PDHX: variants seen among roughly 807,000 people sequenced by gnomAD.
PDHX encodes the protein pyruvate dehydrogenase protein X component, mitochondrial.
Under a neutral mutation model 55.3 loss-of-function variants are expected in PDHX, and 33 were observed. The observed-to-expected ratio is 0.60, with a 90% CI of 0.45 to 0.80. PDHX has a LOEUF of 0.80. Ranked by LOEUF, PDHX falls within the 30% of genes least tolerant of loss-of-function variation. The pLI is 0.00. For missense variants in PDHX, 622 were observed against 619.9 expected, an observed-to-expected ratio of 1.00 and a Z score of -0.04; for synonymous variants, 226 against 219.4, an observed-to-expected ratio of 1.03 and a Z score of -0.27.
At chr11:34,917,204 G>T in intron 1 of PDHX, among the ~76,000 whole-genome samples, 1 of 152,166 alleles carries the variant, frequency 6.6e-6, no homozygotes, top group South Asian at 2.1e-4. Flanking sequence ...AGATTGAAAA[G>T]CCACTGTTGG....
chr11:34,948,995 T>G (rs1003981953), intron 3 of PDHX, among the ~76,000 whole-genome samples: 5 of 152,218 alleles, frequency 3.3e-5, no homozygotes, highest in Non-Finnish European at 5.9e-5. Flanking sequence ...ACCATGTCAG[T>G]GGGTCAGCAG....
intron 2 of PDHX, among the ~76,000 whole-genome samples, chr11:34,935,314 T>A (rs1355105288): frequency 6.6e-6 from 1 of 152,202 alleles, no homozygotes. Context: ...AAAGCTGTAT[T>A]ATGTCACTGT....
At chr11:34,986,213 G>A (rs977532562) in intron 9 of PDHX, among the ~76,000 whole-genome samples, 1 of 151,436 alleles carries the variant, frequency 6.6e-6, no homozygotes, top group Non-Finnish European at 1.5e-5. Context: ...ACGGAGGCAT[G>A]AGAATTGCTT....
intron 2 of PDHX, among the ~76,000 whole-genome samples, chr11:34,941,593 C>T (rs1854484326): frequency 6.6e-6 from 1 of 152,310 alleles, no homozygotes; most frequent in East Asian, 1.9e-4. Context: ...AACTAGCTCT[C>T]TTCCACCACC....
At chr11:34,956,855 G>T (rs1854914920) in intron 3 of PDHX, among the ~76,000 whole-genome samples, 1 of 152,144 alleles carries the variant, frequency 6.6e-6, no homozygotes, top group African/African-American at 2.4e-5. Context: ...AACTGGAATA[G>T]TTAACCAGTT....
chr11:34,963,307 C>G (rs1183279296), intron 5 of PDHX, among the ~76,000 whole-genome samples: 1 of 152,050 alleles, frequency 6.6e-6, no homozygotes, highest in Non-Finnish European at 1.5e-5. Flanking sequence ...GAGACAGGCT[C>G]TCACTCTGTC....
At chr11:34,934,428 C>T (rs916426092) in intron 2 of PDHX, among the ~76,000 whole-genome samples, 8 of 151,862 alleles carry the variant, frequency 5.3e-5, no homozygotes, top group South Asian at 4.2e-4. Flanking sequence ...GGGAAGAGCC[C>T]GGGGGAGGAA....
chr11:34,945,631 T>C (rs1201077300), intron 2 of PDHX, among the ~76,000 whole-genome samples: 2 of 152,198 alleles, frequency 1.3e-5, no homozygotes, highest in African/African-American at 4.8e-5. Flanking sequence ...TTTTCCCCTT[T>C]GATAGATTTT....
chr11:34,991,501 G>T (rs556662175), intron 9 of PDHX, among the ~76,000 whole-genome samples: 25 of 152,226 alleles, frequency 1.6e-4, no homozygotes, highest in African/African-American at 5.8e-4. Context: ...TATAACCATT[G>T]TGTGGGGTTG....
At chr11:34,953,028 G>A (rs1018304275) in intron 3 of PDHX, among the ~76,000 whole-genome samples, 2 of 152,008 alleles carry the variant, frequency 1.3e-5, no homozygotes. Context: ...AAAATCACAG[G>A]CATTCTTATA....
At position 34,978,177 on chromosome 11, in the gene PDHX, C is replaced by T. The variant is rs1486763024; in HGVS notation, c.1018C>T (p.Leu340Phe). 3 of 1,552,620 alleles carry T rather than the reference C, an allele frequency of 1.9e-6. No homozygotes were observed. Among genetic ancestry groups the T allele is most frequent in the East Asian group, 2.3e-5 (1 of 44,414 alleles). ...DFIIKAAAVT[L>F]KQMPDVNVSW... is the part of the protein sequence containing the mutation. ...TATCATCAAGGCAGCAGCTGTTACC[C>T]TTAAAGTAAGTAGCAGACTTCAAAT... The change falls in exon 8 of 11, where the codon CTT becomes TTT. Residue 340 changes from leucine (L) to phenylalanine (F), a missense_variant. Physicochemically the swap from Leu to Phe is conservative, Grantham distance 22. Transcript: ENST00000227868.
chr11:34,941,845 C>T (rs1036084282), intron 2 of PDHX: 11 of 154,634 alleles, frequency 7.1e-5, no homozygotes, highest in Middle Eastern at 1.1e-3. Flanking sequence ...ATGCTGGCGT[C>T]GGTGCTGGGG....
At chr11:34,994,485 C>T (rs530774870) in intron 10 of PDHX, among the ~76,000 whole-genome samples, 278 of 152,288 alleles carry the variant, frequency 1.8e-3, no homozygotes, top group African/African-American at 6.4e-3. Flanking sequence ...TTTATAAACA[C>T]TGCACACTTA....
chr11:34,985,823 G>T (rs1855628940), intron 9 of PDHX, among the ~76,000 whole-genome samples: 1 of 152,136 alleles, frequency 6.6e-6, no homozygotes, highest in Admixed American at 6.5e-5. Flanking sequence ...AGACCTTCTT[G>T]CTCAAAAGAA....
At chr11:34,955,765 G>A (rs12279549) in intron 3 of PDHX, among the ~76,000 whole-genome samples, 11,475 of 151,906 alleles carry the variant, frequency 0.076, 445 homozygotes, top group African/African-American at 0.092. Flanking sequence ...TAGTACAGTT[G>A]TCTGACTCAG....
rs776249501 is a variant in PDHX at position 34,986,439 on chromosome 11, TTG to T, written c.1182+1715_1182+1716del. On this transcript the variant is annotated intron_variant, in intron 9 of 10. Coordinates refer to ENST00000227868, the MANE Select transcript of PDHX (RefSeq NM_003477.3). ...GGGTTTTCAGCGACAATGAGAATAT[TTG>T]TGTCTGTGTTTTTGTGAAGGTTAAA... is the stretch of plus-strand genomic sequence containing the variant. 1.2e-3 allele frequency among the ~76,000 whole-genome samples: 177 copies of T among 152,266 alleles called. 2 individuals are homozygous for T. Among genetic ancestry groups the T allele is most frequent in the South Asian group, 4.1e-4 (2 of 4,820 alleles).
At chr11:34,950,099 T>G (rs1854720419) in intron 3 of PDHX, among the ~76,000 whole-genome samples, 1 of 152,052 alleles carries the variant, frequency 6.6e-6, no homozygotes, top group Admixed American at 6.5e-5. Context: ...GAATACATTT[T>G]TAAATATTAC....
rs888697430 is a variant in PDHX at position 34,966,530 on chromosome 11, G to C, written c.642-110G>C. The C allele has an allele frequency of 5.6e-5, 56 of 1,001,192 alleles. No homozygotes were observed. In the African/African-American group the frequency reaches 8.4e-4, roughly 15 times the overall value. 62.0% of individuals were successfully genotyped at this position (1,001,192 alleles called of 1,614,324 possible). A position where few individuals can be genotyped will look rare whatever the true frequency, so the allele number is the denominator to read the frequency against. On this transcript the variant is annotated intron_variant, in intron 5 of 10. Transcript: ENST00000227868. ...ATTACTGGTTTTTAATTATAACCTT[G>C]ACATCTGTATATTTCTGTATCTTTT...
intron 1 of PDHX, among the ~76,000 whole-genome samples, chr11:34,924,490 G>A (rs917969268): frequency 4.2e-4 from 64 of 152,042 alleles, no homozygotes; most frequent in Non-Finnish European, 8.4e-4. Context: ...CAAAGTGCTG[G>A]GATTACAGGC....
Sources: gnomAD v4.1 joint callset for allele counts (sites outside exome capture counted in the v4.1 genomes callset) on GRCh38, gnomAD v4.1.1 for gene constraint, MANE v1.5 for transcripts, NCBI Gene and HGNC (gene_info 2026-07-23, HGNC 2026-07-21) for gene names.